RAB28: variants seen among roughly 807,000 people sequenced by gnomAD.
RAB28 encodes the protein RAB28, member RAS oncogene family, also known as ras-related protein Rab-28.
Under a neutral mutation model 31.7 loss-of-function variants are expected in RAB28, and 24 were observed. The ratio of observed to expected loss-of-function variants is 0.76; its 90% CI spans 0.55 to 1.06. The LOEUF (loss-of-function observed/expected upper bound fraction) is 1.06, where lower values mean the gene tolerates loss of function less well. RAB28 is among the 50% of genes least tolerant of loss of function. The probability of loss-of-function intolerance (pLI) is 0.00; values close to 1 mark genes in which losing one functional copy is unlikely to be tolerated. For synonymous variants in RAB28, 100 were observed against 90.4 expected, an observed-to-expected ratio of 1.11 and a Z score of -0.60; for missense variants, 254 against 258.5, an observed-to-expected ratio of 0.98 and a Z score of 0.12.
chr4:13,461,053 TA>T (rs1255149116), intron 3 of RAB28, among the ~76,000 whole-genome samples: 1 of 152,214 alleles, frequency 6.6e-6, no homozygotes, highest in African/African-American at 2.4e-5. Context: ...AGCTAAAACA[TA>T]ATGTTATCAA....
At chr4:13,384,351 T>C (rs1022231578) in intron 4 of RAB28, among the ~76,000 whole-genome samples, 5 of 152,122 alleles carry the variant, frequency 3.3e-5, no homozygotes, top group African/African-American at 9.7e-5. Flanking sequence ...CCTGCTGCAG[T>C]TGATGAGTGT....
intron 4 of RAB28, among the ~76,000 whole-genome samples, chr4:13,454,192 T>C (rs1012261710): frequency 1.3e-5 from 2 of 152,180 alleles, no homozygotes; most frequent in African/African-American, 4.8e-5. Context: ...TGATTGGTTA[T>C]GGGTTATATC....
chr4:13,468,895 C>T (rs1355794532), intron 3 of RAB28, among the ~76,000 whole-genome samples: 2 of 151,584 alleles, frequency 1.3e-5, no homozygotes, highest in African/African-American at 4.8e-5. Context: ...TGGGTTTTCA[C>T]TACCGATCCC....
At chr4:13,418,270 C>T (rs1712913531) in intron 4 of RAB28, among the ~76,000 whole-genome samples, 1 of 152,168 alleles carries the variant, frequency 6.6e-6, no homozygotes, top group Non-Finnish European at 1.5e-5. Context: ...ACCAAATCTA[C>T]ATTTGATTGG....
chr4:13,373,421 T>C (rs1728792872), intron 6 of RAB28, among the ~76,000 whole-genome samples: 1 of 152,132 alleles, frequency 6.6e-6, no homozygotes, highest in South Asian at 2.1e-4. Context: ...AATTGGGAAT[T>C]GTGAAAAATG....
At chr4:13,427,389 T>C (rs565293593) in intron 4 of RAB28, among the ~76,000 whole-genome samples, 2 of 152,206 alleles carry the variant, frequency 1.3e-5, no homozygotes, top group Non-Finnish European at 2.9e-5. Flanking sequence ...AAGACAAGCA[T>C]GTGATCCCTG....
At chr4:13,413,364 G>T (rs1421613300) in intron 4 of RAB28, among the ~76,000 whole-genome samples, 4 of 152,146 alleles carry the variant, frequency 2.6e-5, no homozygotes, top group Non-Finnish European at 5.9e-5. Context: ...ACTTCTGAAG[G>T]AAATAAAGTG....
At chr4:13,432,995 AG>A (rs1243339333) in intron 4 of RAB28, among the ~76,000 whole-genome samples, 1 of 151,874 alleles carries the variant, frequency 6.6e-6, no homozygotes, top group African/African-American at 2.4e-5. Flanking sequence ...AAAAAAAAAA[AG>A]AAACGGAATT....
At chr4:13,375,414 T>C (rs980687007) in intron 6 of RAB28, among the ~76,000 whole-genome samples, 6 of 152,290 alleles carry the variant, frequency 3.9e-5, no homozygotes, top group Middle Eastern at 3.4e-3. Flanking sequence ...ATGATAATCA[T>C]AGACTCTCTA....
chr4:13,448,553 TAAC>T (rs1419762683), intron 4 of RAB28, among the ~76,000 whole-genome samples: 4 of 151,960 alleles, frequency 2.6e-5, no homozygotes, highest in Non-Finnish European at 5.9e-5. Flanking sequence ...AACTATGAAA[TAAC>T]AAAATAACAT....
At chr4:13,418,006 A>C (rs926367972) in intron 4 of RAB28, among the ~76,000 whole-genome samples, 2 of 152,226 alleles carry the variant, frequency 1.3e-5, no homozygotes, top group African/African-American at 4.8e-5. Context: ...ACCTTGAAAA[A>C]AGATTATAGA....
chr4:13,393,878 T>C (rs1254126856), intron 4 of RAB28, among the ~76,000 whole-genome samples: 1 of 139,578 alleles, frequency 7.2e-6, no homozygotes, highest in East Asian at 2.0e-4. Flanking sequence ...AAAAAAACAG[T>C]ACATGCACTT....
intron 2 of RAB28, among the ~76,000 whole-genome samples, chr4:13,479,101 G>C (rs183602662): frequency 6.6e-6 from 1 of 151,760 alleles, no homozygotes; most frequent in African/African-American, 2.4e-5. Flanking sequence ...TTCACATTTT[G>C]TTAATACAAT....
intron 4 of RAB28, among the ~76,000 whole-genome samples, chr4:13,407,407 C>T (rs1441810254): frequency 3.9e-5 from 6 of 152,160 alleles, no homozygotes; most frequent in African/African-American, 7.2e-5. Context: ...TTGGTTACTG[C>T]AGCCCCGTAG....
chr4:13,388,225 C>T lies in RAB28; in HGVS notation c.392-6631G>A, dbSNP rs191474176. Among the ~76,000 whole-genome samples the T allele has an allele frequency of 1.9e-4, 29 of 152,010 alleles. No individual in the cohort carries two copies. The East Asian group carries it at 5.6e-3, about 29-fold the overall frequency. On this transcript the variant is annotated intron_variant, in intron 4 of 6. Coordinates refer to ENST00000330852, the MANE Select transcript of RAB28 (RefSeq NM_001017979.3). ...CCAGAAATAAACCTCACATATATGGCCAAATGATCTTCTATAAGGAGGCCA... is the reference window on the plus strand; with the variant it reads ...CCAGAAATAAACCTCACATATATGGTCAAATGATCTTCTATAAGGAGGCCA...
intron 4 of RAB28, among the ~76,000 whole-genome samples, chr4:13,436,536 A>G (rs1714119865): frequency 6.6e-6 from 1 of 152,172 alleles, no homozygotes; most frequent in Non-Finnish European, 1.5e-5. Context: ...ATGTAAACAA[A>G]TCAGCATTTC....
At chr4:13,370,249 T>C (rs1415442180) in intron 6 of RAB28, 7 of 965,416 alleles carry the variant, frequency 7.3e-6, no homozygotes, top group African/African-American at 3.5e-5. Flanking sequence ...ACTTCCCAAA[T>C]TGTAAGTTCC....
At chr4:13,451,991 C>T (rs952438591) in intron 4 of RAB28, among the ~76,000 whole-genome samples, 5 of 151,830 alleles carry the variant, frequency 3.3e-5, no homozygotes, top group Admixed American at 3.3e-4. Flanking sequence ...CTTACTACTG[C>T]TTTGTAGTAT....
intron 4 of RAB28, among the ~76,000 whole-genome samples, chr4:13,419,482 T>G (rs566777472): frequency 1.3e-5 from 2 of 152,142 alleles, no homozygotes; most frequent in Non-Finnish European, 2.9e-5. Flanking sequence ...TATTCCAAAA[T>G]TGACTACATA....
Sources: allele counts gnomAD v4.1 joint callset (sites outside exome capture counted in the v4.1 genomes callset), GRCh38; gene constraint gnomAD v4.1.1; transcripts MANE v1.5; gene names NCBI Gene and HGNC (gene_info 2026-07-23, HGNC 2026-07-21).